The following POLR1A variants were observed in gnomAD, a reference collection of about 807,000 sequenced individuals.
POLR1A encodes the protein RNA polymerase I subunit A.
Under a neutral mutation model 205.3 loss-of-function variants are expected in POLR1A, and 84 were observed. That is an observed-to-expected ratio of 0.41 (90% CI 0.34 to 0.49). The LOEUF (loss-of-function observed/expected upper bound fraction) is 0.49. Ranked by LOEUF, POLR1A falls within the 20% of genes least tolerant of loss-of-function variation. The probability of loss-of-function intolerance (pLI) is 0.22; values close to 1 mark genes in which losing one functional copy is unlikely to be tolerated. For synonymous variants in POLR1A, 799 were observed against 863.7 expected, an observed-to-expected ratio of 0.93 and a Z score of 1.31; for missense variants, 1,645 against 2,204.5, an observed-to-expected ratio of 0.75 and a Z score of 5.08.
chr2:86,024,174 C>T lies in POLR1A; in HGVS notation c.*3249G>A. ...GTATATACACATGAGGAGGTATCAG[C>T]AGCCTCAAGCAAGAAGGCAATTCTG... On this transcript the variant is annotated 3_prime_UTR_variant, in exon 34 of 34. Transcript: ENST00000263857. 5.7e-6 allele frequency: 1 copy of T among 174,848 alleles called. No individual in the cohort carries two copies. 10.8% of individuals were successfully genotyped at this position (174,848 alleles called of 1,614,324 possible). A position where few individuals can be genotyped will look rare whatever the true frequency, so the allele number is the denominator to read the frequency against.
intron 3 of POLR1A, among the ~76,000 whole-genome samples, chr2:86,097,340 C>T (rs1302633742): frequency 6.7e-6 from 1 of 150,182 alleles, no homozygotes; most frequent in Non-Finnish European, 1.5e-5. Flanking sequence ...ATGAAGGTTC[C>T]TCAAATAACT....
chr2:86,036,210 C>T (rs983899639), intron 27 of POLR1A, among the ~76,000 whole-genome samples: 1 of 152,230 alleles, frequency 6.6e-6, no homozygotes, highest in African/African-American at 2.4e-5. Context: ...GCTACAATTA[C>T]AGACTGTCAG....
At chr2:86,101,296 T>G (rs77905834) in intron 1 of POLR1A, among the ~76,000 whole-genome samples, 159 of 152,208 alleles carry the variant, frequency 1.0e-3, no homozygotes, top group African/African-American at 3.7e-3. Context: ...AACACTCCCT[T>G]TAATAAAGCA....
intron 13 of POLR1A, among the ~76,000 whole-genome samples, chr2:86,069,641 G>A (rs930334244): frequency 6.6e-6 from 1 of 152,210 alleles, no homozygotes; most frequent in Non-Finnish European, 1.5e-5. Context: ...CAGAACAAAG[G>A]ATCAAAGTCA....
At position 86,047,220 on chromosome 2, in the gene POLR1A, C is replaced by T. The variant is rs780374842; in HGVS notation, c.2678G>A (p.Ser893Asn). Residue 893 changes from serine to asparagine, a missense_variant, in exon 19 of 34, where the codon AGC becomes AAC. Transcript: ENST00000263857. ...FGLHRQFPEN[S>N]LQMMVQSGAK... ...TCCCGACTGCACCATCATCTGCAGG[C>T]TGTTCTCTGGGAACTGTCTGTGTAG... 4.3e-6 allele frequency: 7 copies of T among 1,614,158 alleles called. No homozygotes were observed. The highest frequency in any genetic ancestry group is 1.7e-5 in the Admixed American group (1 of 60,024).
Position 86,028,973 on chromosome 2 carries a change from T to C in POLR1A, c.4780-262A>G, listed in dbSNP as rs1241717554. On this transcript the variant is annotated intron_variant, in intron 31 of 33. Coordinates refer to ENST00000263857, the MANE Select transcript of POLR1A (RefSeq NM_015425.6). This position sits in a 1 kb window ranked among gnomAD's most constrained non-coding sequence, Gnocchi z 4.5. ...CACTTTGGACACGCTTTAGATTCAA[T>C]GGGAAGAAAAGGATTTTTTCTTCTT... 6.6e-6 allele frequency among the ~76,000 whole-genome samples: 1 copy of C among 152,204 alleles called. No homozygotes were observed.
chr2:86,033,536 T>G, intron 28 of POLR1A, 125 bp downstream of exon 28: 22 of 1,094,014 alleles, frequency 2.0e-5, no homozygotes, highest in Non-Finnish European at 2.5e-5. Context: ...AGGTAAAAGC[T>G]GAGATAGGTA....
intron 1 of POLR1A, among the ~76,000 whole-genome samples, chr2:86,102,456 T>C (rs774457474): frequency 3.3e-5 from 5 of 152,250 alleles, no homozygotes; most frequent in Non-Finnish European, 5.9e-5. Context: ...CCTTTGTCCA[T>C]TTTAAAATTG....
chr2:86,021,899 T>C lies in POLR1A; in HGVS notation c.*5524A>G, dbSNP rs1283463141. The C allele has an allele frequency of 1.3e-5, 2 of 151,286 alleles. No homozygotes were observed. The highest frequency in any genetic ancestry group is 2.9e-5 in the Non-Finnish European group (2 of 67,880). The allele number at this position is 151,286 out of a possible 1,614,324, so 9.4% of individuals were successfully genotyped here. ...CTGAGCCTGTGAATAAACCAGGTCC[T>C]ATCAGGGGGCAGTGTGCACATGCAC... On this transcript the variant is annotated 3_prime_UTR_variant, in exon 34 of 34. Transcript: ENST00000263857.
chr2:86,047,797 G>A (rs1237903314), intron 18 of POLR1A, among the ~76,000 whole-genome samples: 2 of 152,200 alleles, frequency 1.3e-5, no homozygotes, highest in Non-Finnish European at 2.9e-5. Context: ...CTGGGGAGAT[G>A]CTGAGAAGGG....
intron 13 of POLR1A, among the ~76,000 whole-genome samples, chr2:86,069,129 A>G (rs190302423): frequency 6.6e-6 from 1 of 152,366 alleles, no homozygotes; most frequent in Non-Finnish European, 1.5e-5. Context: ...AGGAGCCTCT[A>G]AAGTGCTCTC....
chr2:86,051,194 T>G (rs1439257158), intron 16 of POLR1A, among the ~76,000 whole-genome samples: 1 of 152,178 alleles, frequency 6.6e-6, no homozygotes, highest in African/African-American at 2.4e-5. Context: ...ATAAATACAT[T>G]TGGACATTTG....
Position 86,084,403 on chromosome 2 carries a change from T to C in POLR1A, c.731-1235A>G, listed in dbSNP as rs576493926. On this transcript the variant is annotated intron_variant, in intron 6 of 33. Coordinates refer to ENST00000263857, the MANE Select transcript of POLR1A (RefSeq NM_015425.6). The stretch of plus-strand genomic sequence containing the variant: ...CTGCACTCCAGCCTGGATGACAAAG[T>C]GAGACCCTGTCTCAAAAAAAAAAAC... Among the ~76,000 whole-genome samples the C allele has an allele frequency of 6.0e-5, 9 of 151,238 alleles. No homozygotes were observed. The South Asian group carries it at 1.9e-3, about 31-fold the overall frequency.
At position 86,081,681 on chromosome 2, in the gene POLR1A, C is replaced by T. The variant is rs1419807566; in HGVS notation, c.843G>A (p.Ser281=). ...NEGFFLNYLF[S]GMDDDGMESR... ...ATTCCATACCATCATCATCCATTCC[C>T]GAAAAAAGGTAGTTCAGAAAGAATC... Residue 281 remains serine (S), a synonymous_variant, in exon 8 of 34, where the codon TCG becomes TCA. Coordinates refer to ENST00000263857, the MANE Select transcript of POLR1A (RefSeq NM_015425.6). 10 of 1,609,292 alleles carry T rather than the reference C, an allele frequency of 6.2e-6. No individual in the cohort carries two copies. Among genetic ancestry groups the T allele is most frequent in the South Asian group, 1.1e-5 (1 of 90,546 alleles).
rs778105892 is a variant in POLR1A, at chr2:86,089,890, G to A, written c.472C>T (p.Arg158Trp). The change falls in exon 4 of 34, where the codon CGG (arginine) becomes TGG (tryptophan). Residue 158 changes from arginine to tryptophan, a missense_variant. By Grantham distance (101) the Arg-to-Trp change is moderately radical. Transcript: ENST00000263857. Reference protein sequence around the residue: ...ENPDPSASEIREELEQYTTEI... With the variant: ...ENPDPSASEIWEELEQYTTEI... ...GTTGTGTATTGTTCTAATTCCTCCCGAATTTCAGAGGCAGAGGGATCGGGA... is the reference window on the plus strand; with the variant it reads ...GTTGTGTATTGTTCTAATTCCTCCCAAATTTCAGAGGCAGAGGGATCGGGA... 11 of 1,611,462 alleles carry A rather than the reference G, an allele frequency of 6.8e-6. No homozygotes were observed. Among genetic ancestry groups the A allele is most frequent in the Admixed American group, 5.0e-5 (3 of 60,016 alleles).
At chr2:86,032,625 T>C (rs1672418999) in intron 28 of POLR1A, among the ~76,000 whole-genome samples, 1 of 151,978 alleles carries the variant, frequency 6.6e-6, no homozygotes, top group Non-Finnish European at 1.5e-5. Context: ...CACCACTTAC[T>C]TGCAAAGTTT....
intron 14 of POLR1A, among the ~76,000 whole-genome samples, chr2:86,055,733 A>G (rs1268037487): frequency 6.6e-6 from 1 of 152,228 alleles, no homozygotes; most frequent in Non-Finnish European, 1.5e-5. Flanking sequence ...ATAAACTCCA[A>G]CACCCTTTCA....
intron 3 of POLR1A, among the ~76,000 whole-genome samples, chr2:86,095,919 G>A (rs1673694368): frequency 6.6e-6 from 1 of 152,044 alleles, no homozygotes; most frequent in East Asian, 1.9e-4. Flanking sequence ...TAGTAGAGAT[G>A]GGGTTTCTTC....
At chr2:86,044,931 G>A (rs964162024) in intron 21 of POLR1A, among the ~76,000 whole-genome samples, 2 of 152,152 alleles carry the variant, frequency 1.3e-5, no homozygotes, top group African/African-American at 4.8e-5. Context: ...ACCCCAAGCT[G>A]TGGGGACAGA....
Sources: allele counts gnomAD v4.1 joint callset (sites outside exome capture counted in the v4.1 genomes callset), GRCh38; gene constraint gnomAD v4.1.1; non-coding constraint Gnocchi (gnomAD v3.1); transcripts MANE v1.5; gene names NCBI Gene and HGNC (gene_info 2026-07-23, HGNC 2026-07-21).